The following PTPRO variants were observed in gnomAD, a reference collection of about 807,000 sequenced individuals.
PTPRO encodes receptor-type tyrosine-protein phosphatase O.
PTPRO carries 62 observed loss-of-function variants against 145.2 expected under a neutral mutation model. That is an observed-to-expected ratio of 0.43 (90% CI 0.35 to 0.53). The LOEUF (loss-of-function observed/expected upper bound fraction) is 0.53, where lower values mean the gene tolerates loss of function less well. Ranked by LOEUF, PTPRO falls within the 20% of genes least tolerant of loss-of-function variation. The probability of loss-of-function intolerance (pLI) is 0.01; values close to 1 mark genes in which losing one functional copy is unlikely to be tolerated. For missense variants in PTPRO, 1,345 were observed against 1,482.7 expected, an observed-to-expected ratio of 0.91 and a Z score of 1.53; for synonymous variants, 565 against 514.7, an observed-to-expected ratio of 1.10 and a Z score of -1.32.
Position 15,372,004 on chromosome 12 carries a change from T to C in PTPRO, c.75+49203T>C, listed in dbSNP as rs1050526058. Among the ~76,000 whole-genome samples the C allele has an allele frequency of 7.9e-5, 12 of 152,322 alleles. No homozygotes were observed. The South Asian group carries it at 1.4e-3, about 18-fold the overall frequency. ...TCTTTCCTATATAAATTGCCCAGTC[T>C]CAGGCAGTTATTTCTAGCAGTGTAA... is the stretch of plus-strand genomic sequence containing the variant. On this transcript the variant is annotated intron_variant, in intron 1 of 26. Coordinates refer to ENST00000281171, the MANE Select transcript of PTPRO (RefSeq NM_030667.3).
At chr12:15,436,956 G>A (rs1772655717) in intron 1 of PTPRO, among the ~76,000 whole-genome samples, 1 of 152,060 alleles carries the variant, frequency 6.6e-6, no homozygotes, top group South Asian at 2.1e-4. Flanking sequence ...ACTGATCTGT[G>A]TGTGCCATTG....
At chr12:15,423,869 A>T (rs1940212337) in intron 1 of PTPRO, among the ~76,000 whole-genome samples, 1 of 152,178 alleles carries the variant, frequency 6.6e-6, no homozygotes, top group Non-Finnish European at 1.5e-5. Flanking sequence ...ATGATGAGAG[A>T]TGATGCAATG....
chr12:15,335,246 G>GA (rs1192413968), intron 1 of PTPRO, among the ~76,000 whole-genome samples: 4 of 151,486 alleles, frequency 2.6e-5, no homozygotes, highest in South Asian at 2.1e-4. Context: ...TTTTATCTAG[G>GA]AAAAAAAATT....
chr12:15,375,676 A>T (rs1201412646), intron 1 of PTPRO, among the ~76,000 whole-genome samples: 2 of 151,386 alleles, frequency 1.3e-5, no homozygotes, highest in African/African-American at 4.9e-5. Flanking sequence ...GAATCACTTG[A>T]ACCTGGGAGG....
chr12:15,371,364 TGA>T (rs1388590327), intron 1 of PTPRO, among the ~76,000 whole-genome samples: 1 of 151,998 alleles, frequency 6.6e-6, no homozygotes, highest in African/African-American at 2.4e-5. Context: ...CCTGAGTAAC[TGA>T]GATTACAGGC....
intron 9 of PTPRO, among the ~76,000 whole-genome samples, chr12:15,519,296 C>T (rs190256210): frequency 9.2e-5 from 14 of 152,346 alleles, no homozygotes; most frequent in African/African-American, 3.4e-4. Context: ...AGTTATCTCC[C>T]ACTGGGCCCC....
chr12:15,513,698 A>G (rs1942515611), intron 7 of PTPRO, among the ~76,000 whole-genome samples: 1 of 152,180 alleles, frequency 6.6e-6, no homozygotes, highest in South Asian at 2.1e-4. Flanking sequence ...ATTGTTCTCC[A>G]TTGATTCATG....
chr12:15,583,226 A>C (rs1049264210), intron 23 of PTPRO, among the ~76,000 whole-genome samples: 7 of 152,204 alleles, frequency 4.6e-5, no homozygotes, highest in African/African-American at 1.7e-4. Flanking sequence ...TCATGCCTGT[A>C]ATCCCAGCAC....
intron 9 of PTPRO, among the ~76,000 whole-genome samples, chr12:15,519,338 T>C (rs910294508): frequency 2.0e-5 from 3 of 152,198 alleles, no homozygotes; most frequent in African/African-American, 7.2e-5. Flanking sequence ...AAGATGAGAT[T>C]TGGGTGGGGA....
At chr12:15,335,095 A>G (rs1866717417) in intron 1 of PTPRO, among the ~76,000 whole-genome samples, 1 of 152,130 alleles carries the variant, frequency 6.6e-6, no homozygotes, top group Non-Finnish European at 1.5e-5. Context: ...TTGTGCTGAT[A>G]ACTAAAGTGT....
At chr12:15,556,008 C>A (rs945658033) in intron 15 of PTPRO, among the ~76,000 whole-genome samples, 3 of 152,104 alleles carry the variant, frequency 2.0e-5, no homozygotes, top group African/African-American at 7.2e-5. Context: ...CTATTGTTAG[C>A]AAATCATCCA....
Position 15,516,949 on chromosome 12 carries a change from C to T in PTPRO, c.1772C>T (p.Ala591Val). 6.2e-7 allele frequency: 1 copy of T among 1,612,676 alleles called. No individual in the cohort carries two copies. ...ATAGCAGCAACTGTTTCCTTAACTG[C>T]ATCCGTGGTAATCTTCCCTTAACCA... The part of the protein sequence containing the change: ...YEIAATVSLT[A>V]SVRIANLLPA... The change falls in exon 9 of 27, where the codon GCA becomes GTA. Residue 591 changes from alanine to valine, a missense_variant. Ala to Val is a moderately conservative substitution (Grantham distance 64). Around this residue, in one of 3 missense-constraint regions of PTPRO, gnomAD observed 1,130 missense variants for 1,214.7 expected, o/e 0.93. Transcript: ENST00000281171.
At chr12:15,576,217 C>T (rs1398870033) in intron 19 of PTPRO, among the ~76,000 whole-genome samples, 1 of 152,220 alleles carries the variant, frequency 6.6e-6, no homozygotes, top group Non-Finnish European at 1.5e-5. Flanking sequence ...TTCAAAGCTG[C>T]TGAACTGGAA....
At chr12:15,574,580 A>G (rs1328896506) in intron 19 of PTPRO, among the ~76,000 whole-genome samples, 3 of 152,192 alleles carry the variant, frequency 2.0e-5, no homozygotes, top group African/African-American at 4.8e-5. Context: ...CTTGCTATAG[A>G]TGGAACCTCT....
chr12:15,352,649 C>CAAAAAAAAAA (rs71042243), intron 1 of PTPRO, among the ~76,000 whole-genome samples: 1 of 100,416 alleles, frequency 1.0e-5, no homozygotes, highest in African/African-American at 4.0e-5. Context: ...GACTCTGTCT[C>CAAAAAAAAAA]AAAAAAAAAA....
intron 1 of PTPRO, among the ~76,000 whole-genome samples, chr12:15,456,222 G>T (rs1459413422): frequency 6.6e-6 from 1 of 152,108 alleles, no homozygotes; most frequent in African/African-American, 2.4e-5. Flanking sequence ...CATTTATTGA[G>T]ATGATTGTGT....
intron 19 of PTPRO, among the ~76,000 whole-genome samples, chr12:15,574,300 C>T (rs1399703566): frequency 6.6e-6 from 1 of 152,064 alleles, no homozygotes; most frequent in Non-Finnish European, 1.5e-5. Context: ...TCTTGGGACC[C>T]AGGGATTAAA....
At chr12:15,448,000 A>C (rs900338372) in intron 1 of PTPRO, among the ~76,000 whole-genome samples, 2 of 152,136 alleles carry the variant, frequency 1.3e-5, no homozygotes, top group African/African-American at 4.8e-5. Flanking sequence ...GTTATCATTG[A>C]GATAGAGTGA....
At chr12:15,389,001 T>A (rs1939111108) in intron 1 of PTPRO, among the ~76,000 whole-genome samples, 1 of 152,142 alleles carries the variant, frequency 6.6e-6, no homozygotes, top group South Asian at 2.1e-4. Flanking sequence ...ATTTTCTCTG[T>A]CTTTTTATCT....
Sources: gnomAD v4.1 joint callset for allele counts (sites outside exome capture counted in the v4.1 genomes callset) on GRCh38, gnomAD v4.1.1 for gene constraint, gnomAD v4.1.1 regional missense constraint, MANE v1.5 for transcripts, NCBI Gene and HGNC (gene_info 2026-07-23, HGNC 2026-07-21) for gene names.